Variants in PUM1 observed in about 807,000 individuals in gnomAD.
The protein encoded by PUM1 is pumilio homolog 1.
A neutral mutation model predicts 131.8 loss-of-function variants in PUM1; 13 were observed. The ratio of observed to expected loss-of-function variants is 0.10; its 90% confidence interval spans 0.06 to 0.16. The LOEUF is 0.16. PUM1 is among the 10% of genes least tolerant of loss of function. PUM1 has a pLI of 1.00. For synonymous variants in PUM1, 509 were observed against 556.5 expected (o/e 0.91, Z 1.20); for missense variants, 961 against 1,512.4 (o/e 0.64, Z 6.05).
At chr1:30,946,677 C>T (rs1639689894) in intron 17 of PUM1, among the ~76,000 whole-genome samples, 1 of 147,380 alleles carries the variant, frequency 6.8e-6, no homozygotes, top group Admixed American at 6.8e-5. Context: ...TACTTATATA[C>T]ATATATATAA....
chr1:30,953,966 C>A lies in PUM1; in HGVS notation c.2339G>T (p.Gly780Val). The A allele has an allele frequency of 6.2e-7, 1 of 1,614,028 alleles. No individual in the cohort carries two copies. The highest frequency in any genetic ancestry group is 8.5e-7 in the Non-Finnish European group (1 of 1,179,910). The change falls in exon 15 of 22, where the codon GGC (glycine) becomes GTC (valine). Residue 780 changes from glycine to valine, a missense_variant. Around this residue, in one of 4 missense-constraint regions of PUM1, gnomAD observed 117 missense variants for 200.7 expected, o/e 0.58. Coordinates refer to ENST00000426105, the MANE Select transcript of PUM1 (RefSeq NM_001020658.2). ...AGCAGCAGAGATGTATCTTCCACTG[C>A]CATTCGTGAGTCCTCCTGTTGGTTA... The part of the protein sequence containing the change: ...SSLNLGGLTN[G>V]SGRYISAAPG...
At chr1:30,996,965 T>C (rs1038922531) in intron 5 of PUM1, among the ~76,000 whole-genome samples, 1 of 152,016 alleles carries the variant, frequency 6.6e-6, no homozygotes, top group African/African-American at 2.4e-5. Context: ...AAAACTGAAC[T>C]GTTAAAATAA....
chr1:31,038,986 T>TATATA (rs1557599381), intron 2 of PUM1, among the ~76,000 whole-genome samples: 101 of 27,440 alleles, frequency 3.7e-3, no homozygotes, highest in South Asian at 0.01. Flanking sequence ...ATATATATAT[T>TATATA]TTTTTTTTTT....
intron 3 of PUM1, among the ~76,000 whole-genome samples, chr1:31,008,497 A>G (rs1178604644): frequency 2.0e-5 from 3 of 152,152 alleles, no homozygotes; most frequent in African/African-American, 7.2e-5. Context: ...TGTACCACTT[A>G]TTACCCTAAG....
chr1:31,023,466 T>C (rs889184264), intron 3 of PUM1, among the ~76,000 whole-genome samples: 1 of 152,154 alleles, frequency 6.6e-6, no homozygotes, highest in African/African-American at 2.4e-5. Flanking sequence ...TCCAATTCTA[T>C]TAAGACACTG....
intron 1 of PUM1, among the ~76,000 whole-genome samples, chr1:31,064,342 A>G (rs1644433431): frequency 6.6e-6 from 1 of 152,208 alleles, no homozygotes; most frequent in Non-Finnish European, 1.5e-5. Flanking sequence ...ACACTAACTC[A>G]AAGTTCAGAA....
rs1491530526 is a variant in PUM1 at position 30,932,665 on chromosome 1, A to ATATTTT, written c.*545_*546insAAAATA. ...TATATATATATATATATATATATATATTTTTTATAAACAGTGTTAAATGCC... is the reference window on the plus strand; with the variant it reads ...TATATATATATATATATATATATATATATTTTTTTTTTATAAACAGTGTTAAATGCC... On this transcript the variant is annotated 3_prime_UTR_variant, in exon 22 of 22. Coordinates refer to ENST00000426105, the MANE Select transcript of PUM1 (RefSeq NM_001020658.2). The ATATTTT allele has an allele frequency of 2.8e-5, 2 of 70,604 alleles. No homozygotes were observed. The highest frequency in any genetic ancestry group is 9.3e-5 in the African/African-American group (2 of 21,428). The allele number at this position is 70,604 out of a possible 1,614,324, so 4.4% of individuals were successfully genotyped here.
chr1:30,934,956 G>C (rs1411126738), intron 21 of PUM1, among the ~76,000 whole-genome samples: 1 of 152,132 alleles, frequency 6.6e-6, no homozygotes, highest in Non-Finnish European at 1.5e-5. Context: ...CTTAGTAATG[G>C]AAGAGCTGAA....
Position 31,065,667 on chromosome 1 carries a change from T to A in PUM1, c.-63A>T. On this transcript the variant is annotated 5_prime_UTR_variant, in exon 1 of 22. Transcript: ENST00000426105. ...TTTCAGCCCCCCGATCTTCTCTCTC[T>A]GGCGCTCTCGCTCCCCCTTACCTTT... is the stretch of plus-strand genomic sequence containing the variant. 6.5e-7 allele frequency: 1 copy of A among 1,549,818 alleles called. No homozygotes were observed.
At chr1:30,967,009 T>A in intron 12 of PUM1, 158 bp downstream of exon 12, 256 of 540,346 alleles carry the variant, frequency 4.7e-4, no homozygotes, top group East Asian at 7.0e-4. Flanking sequence ...GAGAATCCAC[T>A]AAGGTCACTT....
rs1641302331 is a variant in PUM1, at chr1:30,980,155, G to A, written c.1261C>T (p.Pro421Ser). The change falls in exon 9 of 22, where the codon CCC becomes TCC. Residue 421 changes from proline to serine, a missense_variant. This residue lies in a region of PUM1 where 654 missense variants were observed against 923.9 expected (regional missense o/e 0.71). Transcript: ENST00000426105. ...TATGGATTGGGGACAAACGCAGCGG[G>A]AGCTAAACCTGCTGAAAACATACCT... ...AAHQPHIGLA[P>S]AAFVPNPYII... 6.2e-6 allele frequency: 10 copies of A among 1,613,692 alleles called. No individual in the cohort carries two copies. The East Asian group carries it at 2.2e-4, about 36-fold the overall frequency.
At chr1:30,953,082 A>G (rs1170015537) in intron 15 of PUM1, among the ~76,000 whole-genome samples, 1 of 152,202 alleles carries the variant, frequency 6.6e-6, no homozygotes, top group Non-Finnish European at 1.5e-5. Context: ...AATGACCACT[A>G]TCAGGAAAAT....
chr1:30,998,268 G>C (rs1434536450), intron 5 of PUM1, among the ~76,000 whole-genome samples: 1 of 152,124 alleles, frequency 6.6e-6, no homozygotes, highest in Non-Finnish European at 1.5e-5. Flanking sequence ...CCATAAAAAT[G>C]GCCAGCAGAA....
chr1:30,938,892 TAGATAGATAGATAGAC>T (rs1211568271), intron 20 of PUM1, among the ~76,000 whole-genome samples: 14 of 106,322 alleles, frequency 1.3e-4, no homozygotes, highest in African/African-American at 3.6e-4. Flanking sequence ...GATAGATAGA[TAGATAGATAGATAGAC>T]AGACAGACAG....
At chr1:31,011,387 G>GA (rs1236116819) in intron 3 of PUM1, among the ~76,000 whole-genome samples, 1 of 151,790 alleles carries the variant, frequency 6.6e-6, no homozygotes, top group Non-Finnish European at 1.5e-5. Flanking sequence ...CTTTTCAATT[G>GA]AAAAAAAGTA....
At chr1:30,990,922 T>C (rs995189270) in intron 7 of PUM1, among the ~76,000 whole-genome samples, 9 of 152,246 alleles carry the variant, frequency 5.9e-5, no homozygotes, top group Admixed American at 2.6e-4. Flanking sequence ...GATGTAATCA[T>C]GCTAACTACT....
intron 7 of PUM1, among the ~76,000 whole-genome samples, chr1:30,987,316 C>A (rs954770959): frequency 6.6e-6 from 1 of 151,960 alleles, no homozygotes; most frequent in Admixed American, 6.6e-5. Flanking sequence ...CCTGCCTCAG[C>A]CTCCCGAGTA....
chr1:30,968,802 A>G (rs1370971954), intron 10 of PUM1, among the ~76,000 whole-genome samples: 1 of 152,222 alleles, frequency 6.6e-6, no homozygotes, highest in African/African-American at 2.4e-5. Context: ...AAGTTAAAAG[A>G]TGAATTTGGA....
At chr1:30,994,637 C>G (rs1220227350) in intron 6 of PUM1, among the ~76,000 whole-genome samples, 1 of 152,188 alleles carries the variant, frequency 6.6e-6, no homozygotes, top group Non-Finnish European at 1.5e-5. Flanking sequence ...TGCACAAGTT[C>G]TCAACTGTTT....
Sources: allele counts gnomAD v4.1 joint callset (sites outside exome capture counted in the v4.1 genomes callset), GRCh38; gene constraint gnomAD v4.1.1; regional missense constraint gnomAD v4.1.1; transcripts MANE v1.5; gene names NCBI Gene and HGNC (gene_info 2026-07-23, HGNC 2026-07-21).